Variants in PIBF1 observed in about 807,000 individuals in gnomAD.
PIBF1 encodes the protein progesterone-induced-blocking factor 1.
Under a neutral mutation model 112.5 loss-of-function variants are expected in PIBF1, and 90 were observed. The ratio of observed to expected loss-of-function variants is 0.80; its 90% CI spans 0.67 to 0.95. The LOEUF (loss-of-function observed/expected upper bound fraction) is 0.95. Ranked by LOEUF, PIBF1 falls within the 40% of genes least tolerant of loss-of-function variation. The pLI, the probability that PIBF1 is intolerant of heterozygous loss-of-function variation, is 0.00. For synonymous variants in PIBF1, 301 were observed against 288.6 expected (o/e 1.04, Z -0.44); for missense variants, 915 against 852.3 (o/e 1.07, Z -0.92).
chr13:72,843,176 A>G (rs571120987), intron 9 of PIBF1, among the ~76,000 whole-genome samples: 1 of 152,238 alleles, frequency 6.6e-6, no homozygotes, highest in South Asian at 2.1e-4. Context: ...TACGGTTGCA[A>G]TGCGGGGTGG....
intron 10 of PIBF1, among the ~76,000 whole-genome samples, chr13:72,858,023 TTGTGTGTG>T (rs374331152): frequency 7.1e-6 from 1 of 141,312 alleles, no homozygotes; most frequent in South Asian, 2.5e-4. Context: ...CAAATGTACA[TTGTGTGTG>T]TGTGTGTGTG....
At chr13:72,805,620 A>T (rs1413068949) in intron 5 of PIBF1, among the ~76,000 whole-genome samples, 2 of 152,256 alleles carry the variant, frequency 1.3e-5, no homozygotes, top group African/African-American at 4.8e-5. Flanking sequence ...TTAAAGTTGG[A>T]TACAATATAA....
intron 9 of PIBF1, among the ~76,000 whole-genome samples, chr13:72,844,758 C>CACACGGATGAAGTCTTACTGTTTAT (rs1555296166): frequency 1.6e-5 from 2 of 125,740 alleles, no homozygotes; most frequent in Non-Finnish European, 3.4e-5. Context: ...CACACACACA[C>CACACGGATGAAGTCTTACTGTTTAT]ACACACACAC....
At chr13:73,007,319 T>G (rs2044064678) in intron 17 of PIBF1, among the ~76,000 whole-genome samples, 1 of 149,200 alleles carries the variant, frequency 6.7e-6, no homozygotes, top group South Asian at 2.1e-4. Context: ...TTTTTTGAGA[T>G]GGAGTCTCAC....
intron 2 of PIBF1, among the ~76,000 whole-genome samples, chr13:72,790,399 G>T (rs952027771): frequency 1.4e-5 from 2 of 145,864 alleles, no homozygotes; most frequent in Non-Finnish European, 3.0e-5. Context: ...GTAATTGTCA[G>T]TTAGAGTTTA....
At chr13:72,801,507 A>C (rs1186521062) in intron 5 of PIBF1, among the ~76,000 whole-genome samples, 1 of 152,224 alleles carries the variant, frequency 6.6e-6, no homozygotes, top group Non-Finnish European at 1.5e-5. Flanking sequence ...CAGACCTTAC[A>C]TGGTGCTATT....
intron 11 of PIBF1, among the ~76,000 whole-genome samples, chr13:72,899,921 A>G (rs1030599509): frequency 2.6e-5 from 4 of 152,212 alleles, no homozygotes; most frequent in Non-Finnish European, 5.9e-5. Flanking sequence ...CGGATACAAG[A>G]TTGATGTACA....
At chr13:72,977,231 G>C (rs895751051) in intron 16 of PIBF1, among the ~76,000 whole-genome samples, 4 of 152,110 alleles carry the variant, frequency 2.6e-5, no homozygotes, top group African/African-American at 9.7e-5. Flanking sequence ...TTGAGATGGA[G>C]TCTTGCTCTG....
At chr13:72,970,335 C>T (rs2042855554) in intron 15 of PIBF1, among the ~76,000 whole-genome samples, 1 of 152,134 alleles carries the variant, frequency 6.6e-6, no homozygotes, top group Non-Finnish European at 1.5e-5. Flanking sequence ...ACAAGAGACA[C>T]TCTGTGTAAT....
intron 13 of PIBF1, among the ~76,000 whole-genome samples, chr13:72,918,984 A>G (rs1225061446): frequency 6.6e-6 from 1 of 152,132 alleles, no homozygotes; most frequent in Admixed American, 6.6e-5. Flanking sequence ...GATTACAGGC[A>G]TGAGCTACCA....
chr13:72,963,201 A>G (rs1402381553), intron 14 of PIBF1, among the ~76,000 whole-genome samples: 1 of 152,238 alleles, frequency 6.6e-6, no homozygotes, highest in Non-Finnish European at 1.5e-5. Flanking sequence ...AACATAGGAG[A>G]AAATCATAAC....
At chr13:72,959,594 A>G (rs2042550472) in intron 14 of PIBF1, among the ~76,000 whole-genome samples, 1 of 152,204 alleles carries the variant, frequency 6.6e-6, no homozygotes, top group Non-Finnish European at 1.5e-5. Flanking sequence ...AAACTCCCCA[A>G]GGAAAAAAAC....
chr13:72,783,492 A>G lies in PIBF1; in HGVS notation c.23A>G (p.Glu8Gly), dbSNP rs2034413913. The G allele has an allele frequency of 6.2e-7, 1 of 1,601,372 alleles. No individual in the cohort carries two copies. The highest frequency in any genetic ancestry group is 1.3e-5 in the African/African-American group (1 of 74,240). The change falls in exon 2 of 18, where the codon GAG (glutamate) becomes GGG (glycine). Residue 8 changes from glutamate (E) to glycine (G), a missense_variant. Transcript: ENST00000326291. MSRKISK[E>G]SKKVNISSSL... ...AAAATGTCTCGAAAAATTTCAAAGG[A>G]GTCAAAAAAAGTGAACATCTCTAGT...
At chr13:72,794,493 A>G (rs2035091736) in intron 3 of PIBF1, among the ~76,000 whole-genome samples, 1 of 152,164 alleles carries the variant, frequency 6.6e-6, no homozygotes, top group African/African-American at 2.4e-5. Context: ...TCCCCACCCA[A>G]ATCTCATCTT....
At chr13:72,916,414 A>ATTTTT (rs1555313939) in intron 12 of PIBF1, among the ~76,000 whole-genome samples, 1 of 148,952 alleles carries the variant, frequency 6.7e-6, no homozygotes, top group African/African-American at 2.5e-5. Flanking sequence ...ATATATATAT[A>ATTTTT]TTTTTTTAAT....
intron 17 of PIBF1, among the ~76,000 whole-genome samples, chr13:73,004,226 C>A (rs2043959150): frequency 6.6e-6 from 1 of 152,256 alleles, no homozygotes; most frequent in Non-Finnish European, 1.5e-5. Flanking sequence ...CGCGGTGGCT[C>A]ACGCCTGTAC....
At position 72,906,695 on chromosome 13, in the gene PIBF1, C is replaced by A. The variant is rs532962516; in HGVS notation, c.1489-1836C>A. Among the ~76,000 whole-genome samples, 5 of 152,254 alleles carry A rather than the reference C, an allele frequency of 3.3e-5. No individual in the cohort carries two copies. In the South Asian group the frequency reaches 6.2e-4, roughly 19 times the overall value. On this transcript the variant is annotated intron_variant, in intron 11 of 17. Coordinates refer to ENST00000326291, the MANE Select transcript of PIBF1 (RefSeq NM_006346.4). ...AAGATATTTTTTAAATTACATCTCT[C>A]GTAATGGTTTTTAAATCTCTCCTTA...
chr13:72,801,744 C>T (rs1439141731), intron 5 of PIBF1, among the ~76,000 whole-genome samples: 1 of 152,172 alleles, frequency 6.6e-6, no homozygotes, highest in Non-Finnish European at 1.5e-5. Flanking sequence ...AAAGTGATTT[C>T]TCGCAGTTCT....
intron 12 of PIBF1, among the ~76,000 whole-genome samples, chr13:72,915,764 C>G (rs1394693275): frequency 6.6e-6 from 1 of 152,168 alleles, no homozygotes; most frequent in Non-Finnish European, 1.5e-5. Flanking sequence ...AATCCTGATT[C>G]ACCATGAAAG....
Sources: gnomAD v4.1 joint callset for allele counts (sites outside exome capture counted in the v4.1 genomes callset) on GRCh38, gnomAD v4.1.1 for gene constraint, MANE v1.5 for transcripts, NCBI Gene and HGNC (gene_info 2026-07-23, HGNC 2026-07-21) for gene names.